KCNH7: variants seen among roughly 807,000 people sequenced by gnomAD.
KCNH7 encodes the protein voltage-gated inwardly rectifying potassium channel KCNH7.
A neutral mutation model predicts 120.8 loss-of-function variants in KCNH7; 49 were observed. That is an observed-to-expected ratio of 0.41 (90% confidence interval 0.32 to 0.51). KCNH7 has a LOEUF of 0.51. Ranked by LOEUF, KCNH7 falls within the 20% of genes least tolerant of loss-of-function variation. The probability of loss-of-function intolerance (pLI) is 0.38; values close to 1 mark genes in which losing one functional copy is unlikely to be tolerated. For missense variants in KCNH7, 1,097 were observed against 1,446.6 expected (o/e 0.76, Z 3.92); for synonymous variants, 547 against 516.1 (o/e 1.06, Z -0.81).
At chr2:162,666,986 C>T (rs1685152820) in intron 2 of KCNH7, among the ~76,000 whole-genome samples, 1 of 150,844 alleles carries the variant, frequency 6.6e-6, no homozygotes, top group African/African-American at 2.4e-5. Flanking sequence ...TTCGTCAGAA[C>T]TATACCTTCT....
At chr2:162,537,817 A>G (rs1032812712) in intron 2 of KCNH7, among the ~76,000 whole-genome samples, 1 of 152,116 alleles carries the variant, frequency 6.6e-6, no homozygotes, top group African/African-American at 2.4e-5. Flanking sequence ...GGTATGACTC[A>G]GTTTGCAATC....
intron 2 of KCNH7, among the ~76,000 whole-genome samples, chr2:162,746,726 G>A (rs576050189): frequency 6.6e-6 from 1 of 152,102 alleles, no homozygotes; most frequent in Admixed American, 6.5e-5. Flanking sequence ...TAAACTATGA[G>A]TAAATCATCT....
intron 2 of KCNH7, among the ~76,000 whole-genome samples, chr2:162,607,607 A>T (rs1476275707): frequency 1.3e-5 from 2 of 152,164 alleles, no homozygotes; most frequent in African/African-American, 4.8e-5. Flanking sequence ...TTTTGAAAAA[A>T]ATTGTGAATT....
At chr2:162,539,245 C>A (rs143272746) in intron 2 of KCNH7, among the ~76,000 whole-genome samples, 2 of 152,106 alleles carry the variant, frequency 1.3e-5, no homozygotes, top group African/African-American at 4.8e-5. Flanking sequence ...TGAGGAGATG[C>A]TAGAAATAGT....
chr2:162,712,447 AG>A (rs1423061368), intron 2 of KCNH7, among the ~76,000 whole-genome samples: 4 of 152,110 alleles, frequency 2.6e-5, no homozygotes, highest in Non-Finnish European at 5.9e-5. Context: ...TTTCTCTTCT[AG>A]TTTTTCATGA....
chr2:162,633,432 T>C (rs573893310), intron 2 of KCNH7, among the ~76,000 whole-genome samples: 1 of 152,132 alleles, frequency 6.6e-6, no homozygotes, highest in African/African-American at 2.4e-5. Context: ...TAATTTAATT[T>C]TGTTCATACG....
At chr2:162,518,279 A>T (rs776150773) in intron 3 of KCNH7, 121 bp from the exon 4 acceptor site, 11 of 731,118 alleles carry the variant, frequency 1.5e-5, no homozygotes, top group Non-Finnish European at 2.4e-5. Context: ...CAATGGTTAT[A>T]GTTGGAATAG....
rs1549021 is a variant in KCNH7 at position 162,452,004 on chromosome 2, G to T, written c.1129-5561C>A. On this transcript the variant is annotated intron_variant, in intron 6 of 15. Coordinates refer to ENST00000332142, the MANE Select transcript of KCNH7 (RefSeq NM_033272.4). ...GTTATCTTGGAGACAAACTATCACA[G>T]AAATTATTGACAATTATTGTTTGTA... Among the ~76,000 whole-genome samples, 5 of 152,028 alleles carry T rather than the reference G, an allele frequency of 3.3e-5. No individual in the cohort carries two copies. In the East Asian group the frequency reaches 9.7e-4, roughly 29 times the overall value.
At chr2:162,394,971 A>T (rs1203863390) in intron 11 of KCNH7, among the ~76,000 whole-genome samples, 1 of 151,832 alleles carries the variant, frequency 6.6e-6, no homozygotes, top group Non-Finnish European at 1.5e-5. Context: ...AGATGATGAG[A>T]TGATGATCTT....
chr2:162,376,388 T>C (rs1432584051), intron 14 of KCNH7, among the ~76,000 whole-genome samples: 1 of 150,282 alleles, frequency 6.7e-6, no homozygotes, highest in Admixed American at 6.7e-5. Flanking sequence ...TTTTTTTAGA[T>C]GGAGTCTTGC....
At chr2:162,526,398 G>A (rs936081066) in intron 3 of KCNH7, among the ~76,000 whole-genome samples, 3 of 151,932 alleles carry the variant, frequency 2.0e-5, no homozygotes, top group Middle Eastern at 3.4e-3. Context: ...TTTATTAGAC[G>A]GGAATTTCCT....
intron 2 of KCNH7, among the ~76,000 whole-genome samples, chr2:162,813,477 G>A (rs1684806653): frequency 6.6e-6 from 1 of 152,134 alleles, no homozygotes; most frequent in African/African-American, 2.4e-5. Context: ...TTAAAACTTG[G>A]TGAAACTTCT....
chr2:162,579,015 C>A (rs1215181636), intron 2 of KCNH7, among the ~76,000 whole-genome samples: 2 of 151,654 alleles, frequency 1.3e-5, no homozygotes, highest in African/African-American at 4.8e-5. Context: ...CTGATTGGAT[C>A]ATAAAATAAT....
At chr2:162,485,256 A>T (rs1301968432) in intron 6 of KCNH7, among the ~76,000 whole-genome samples, 2 of 152,198 alleles carry the variant, frequency 1.3e-5, no homozygotes, top group Non-Finnish European at 2.9e-5. Context: ...CTACATGAGA[A>T]ACATATTCAA....
intron 3 of KCNH7, among the ~76,000 whole-genome samples, chr2:162,521,334 T>C (rs777145717): frequency 1.2e-4 from 18 of 151,870 alleles, no homozygotes; most frequent in Non-Finnish European, 2.1e-4. Flanking sequence ...TTTAATTGCT[T>C]TGGCCATAAT....
At chr2:162,709,813 A>G (rs1441207777) in intron 2 of KCNH7, among the ~76,000 whole-genome samples, 1 of 152,164 alleles carries the variant, frequency 6.6e-6, no homozygotes, top group African/African-American at 2.4e-5. Flanking sequence ...ATTAACCTTT[A>G]GAAATACCTT....
chr2:162,585,944 AGC>A, intron 2 of KCNH7, among the ~76,000 whole-genome samples: 1 of 152,202 alleles, frequency 6.6e-6, no homozygotes, highest in South Asian at 2.1e-4. Context: ...AATACCTTAA[AGC>A]GTTTATCAAA....
chr2:162,409,025 C>G (rs1337557057), intron 9 of KCNH7, among the ~76,000 whole-genome samples: 1 of 151,378 alleles, frequency 6.6e-6, no homozygotes, highest in Non-Finnish European at 1.5e-5. Flanking sequence ...CAAACAATAG[C>G]ATAATACAAA....
At chr2:162,646,108 G>T (rs1263065871) in intron 2 of KCNH7, among the ~76,000 whole-genome samples, 1 of 152,148 alleles carries the variant, frequency 6.6e-6, no homozygotes, top group East Asian at 1.9e-4. Context: ...ACCATGTTTT[G>T]AGGATTCAAG....
Sources: allele counts gnomAD v4.1 joint callset (sites outside exome capture counted in the v4.1 genomes callset), GRCh38; gene constraint gnomAD v4.1.1; transcripts MANE v1.5; gene names NCBI Gene and HGNC (gene_info 2026-07-23, HGNC 2026-07-21).